KIRREL3: variants seen among roughly 807,000 people sequenced by gnomAD.
The protein encoded by KIRREL3 is kirre like nephrin family adhesion molecule 3.
Under a neutral mutation model 89.7 loss-of-function variants are expected in KIRREL3, and 36 were observed. That is an observed-to-expected ratio of 0.40 (90% CI 0.31 to 0.53). The LOEUF (loss-of-function observed/expected upper bound fraction) is 0.53, where lower values mean the gene tolerates loss of function less well. Ranked by LOEUF, KIRREL3 falls within the 20% of genes least tolerant of loss-of-function variation. The pLI, the probability that KIRREL3 is intolerant of heterozygous loss-of-function variation, is 0.49. For synonymous variants in KIRREL3, 445 were observed against 441.4 expected (o/e 1.01, Z -0.10); for missense variants, 864 against 1,056.6 (o/e 0.82, Z 2.53).
intron 6 of KIRREL3, among the ~76,000 whole-genome samples, chr11:126,461,275 C>G (rs559195542): frequency 1.3e-5 from 2 of 152,384 alleles, no homozygotes; most frequent in East Asian, 3.9e-4. Flanking sequence ...GCTCACCACA[C>G]AGGAGGAGGC....
chr11:126,593,717 C>T (rs887758565), intron 1 of KIRREL3, among the ~76,000 whole-genome samples: 2 of 152,144 alleles, frequency 1.3e-5, no homozygotes, highest in African/African-American at 2.4e-5. Flanking sequence ...TCTGAGTGAA[C>T]GTGCATATAA....
rs1303221062 is a variant in KIRREL3 at position 126,689,340 on chromosome 11, AGG to A, written c.56-126430_56-126429del. 1.3e-5 allele frequency among the ~76,000 whole-genome samples: 2 copies of A among 152,332 alleles called. No individual in the cohort carries two copies. Among genetic ancestry groups the A allele is most frequent in the African/African-American group, 4.8e-5 (2 of 41,578 alleles). On this transcript the variant is annotated intron_variant, in intron 1 of 16. Coordinates refer to ENST00000525144, the MANE Select transcript of KIRREL3 (RefSeq NM_032531.4). The surrounding 1 kb of genome is among the most constrained non-coding windows in gnomAD (Gnocchi z 5.2). ...GACACCTTGGAAGATGAGGCTGACC[AGG>A]CCATGGAGCTGCCCAGACCCCCTGG...
At position 126,568,193 on chromosome 11, in the gene KIRREL3, T is replaced by C. The variant is rs529476994; in HGVS notation, c.56-5281A>G. 6.6e-6 allele frequency among the ~76,000 whole-genome samples: 1 copy of C among 152,166 alleles called. No homozygotes were observed. Among genetic ancestry groups the C allele is most frequent in the South Asian group, 2.1e-4 (1 of 4,814 alleles). On this transcript the variant is annotated intron_variant, in intron 1 of 16. Coordinates refer to ENST00000525144, the MANE Select transcript of KIRREL3 (RefSeq NM_032531.4). This position sits in a 1 kb window ranked among gnomAD's most constrained non-coding sequence, Gnocchi z 4.6. ...GAGCCTCACCCAGGAGTCTGGGCTCTCTCTTAAAGGAGGTGGGAGCCACGC... is the reference window on the plus strand; with the variant it reads ...GAGCCTCACCCAGGAGTCTGGGCTCCCTCTTAAAGGAGGTGGGAGCCACGC...
rs1942919438 is a variant in KIRREL3 at position 126,607,043 on chromosome 11, C to A, written c.56-44131G>T. Among the ~76,000 whole-genome samples, 1 of 152,168 alleles carries A rather than the reference C, an allele frequency of 6.6e-6. No individual in the cohort carries two copies. Among genetic ancestry groups the A allele is most frequent in the South Asian group, 2.1e-4 (1 of 4,824 alleles). On this transcript the variant is annotated intron_variant, in intron 1 of 16. Transcript: ENST00000525144. This position sits in a 1 kb window ranked among gnomAD's most constrained non-coding sequence, Gnocchi z 6.6. ...ATGCCACATGTTTATCCTTATTAAG[C>A]AGTTGTTCTCTTCCAAGGGGCTCTC...
intron 7 of KIRREL3, among the ~76,000 whole-genome samples, chr11:126,451,486 G>T (rs965946159): frequency 6.7e-6 from 1 of 149,744 alleles, no homozygotes; most frequent in African/African-American, 2.5e-5. Flanking sequence ...GTGTGTGTGC[G>T]CATGTGTGTG....
rs1467561205 is a variant in KIRREL3, at chr11:126,969,981, G to T, written c.55+30474C>A. Among the ~76,000 whole-genome samples, 1 of 152,148 alleles carries T rather than the reference G, an allele frequency of 6.6e-6. No homozygotes were observed. Among genetic ancestry groups the T allele is most frequent in the Non-Finnish European group, 1.5e-5 (1 of 68,032 alleles). ...GAAGTTTTGTGTTAATGTGACTAGT[G>T]TATGACTCTATCTGAGTTAAGACAA... On this transcript the variant is annotated intron_variant, in intron 1 of 16. Transcript: ENST00000525144. This position sits in a 1 kb window ranked among gnomAD's most constrained non-coding sequence, Gnocchi z 4.9.
chr11:126,745,051 A>C (rs1382475119), intron 1 of KIRREL3, among the ~76,000 whole-genome samples: 2 of 152,162 alleles, frequency 1.3e-5, no homozygotes, highest in Admixed American at 1.3e-4. Context: ...GACCCTGGTC[A>C]CCACTGGGCA....
chr11:126,669,368 G>A lies in KIRREL3; in HGVS notation c.56-106456C>T, dbSNP rs190742483. 6.6e-6 allele frequency among the ~76,000 whole-genome samples: 1 copy of A among 152,308 alleles called. No individual in the cohort carries two copies. Among genetic ancestry groups the A allele is most frequent in the Admixed American group, 6.5e-5 (1 of 15,300 alleles). The stretch of plus-strand genomic sequence containing the variant: ...CTTACCTCTCCTTTAGTTCTCAGGT[G>A]TTGGATCATGTCCTCTAGAAAACTT... On this transcript the variant is annotated intron_variant, in intron 1 of 16. Transcript: ENST00000525144. This position sits in a 1 kb window ranked among gnomAD's most constrained non-coding sequence, Gnocchi z 5.0.
rs1949612779 is a variant in KIRREL3, at chr11:126,977,528, T to C, written c.55+22927A>G. ...ATCCACTTTCTTTCGAGATTCCCAT[T>C]ATATTAATTCAATCATTCCTGTATT... is the stretch of plus-strand genomic sequence containing the variant. On this transcript the variant is annotated intron_variant, in intron 1 of 16. Coordinates refer to ENST00000525144, the MANE Select transcript of KIRREL3 (RefSeq NM_032531.4). The surrounding 1 kb of genome is among the most constrained non-coding windows in gnomAD (Gnocchi z 4.7). Among the ~76,000 whole-genome samples the C allele has an allele frequency of 6.6e-6, 1 of 152,262 alleles. No individual in the cohort carries two copies. The highest frequency in any genetic ancestry group is 1.5e-5 in the Non-Finnish European group (1 of 68,050).
At chr11:126,813,489 A>G (rs1951458217) in intron 1 of KIRREL3, among the ~76,000 whole-genome samples, 1 of 152,172 alleles carries the variant, frequency 6.6e-6, no homozygotes, top group African/African-American at 2.4e-5. Context: ...GGACCAAAAT[A>G]TTACCTTGAG....
chr11:126,825,843 C>T (rs568051015), intron 1 of KIRREL3, among the ~76,000 whole-genome samples: 4 of 152,288 alleles, frequency 2.6e-5, no homozygotes, highest in African/African-American at 9.6e-5. Flanking sequence ...AAGTAACTTG[C>T]CCAAGGTCAC....
Position 126,931,119 on chromosome 11 carries a change from C to G in KIRREL3, c.55+69336G>C, listed in dbSNP as rs1450051755. Among the ~76,000 whole-genome samples the G allele has an allele frequency of 1.3e-5, 2 of 152,238 alleles. No individual in the cohort carries two copies. Among genetic ancestry groups the G allele is most frequent in the Admixed American group, 6.5e-5 (1 of 15,286 alleles). The stretch of plus-strand genomic sequence containing the variant: ...TTCCCACAGGCCTCTATGCTCATCT[C>G]AGCATGGAACTTATGTGCACTACCT... On this transcript the variant is annotated intron_variant, in intron 1 of 16. Coordinates refer to ENST00000525144, the MANE Select transcript of KIRREL3 (RefSeq NM_032531.4). The surrounding 1 kb of genome is among the most constrained non-coding windows in gnomAD (Gnocchi z 5.1).
At chr11:126,514,827 C>CACAAT (rs1197331753) in intron 4 of KIRREL3, among the ~76,000 whole-genome samples, 5 of 135,352 alleles carry the variant, frequency 3.7e-5, no homozygotes, top group African/African-American at 1.5e-4. Flanking sequence ...CACAACACAA[C>CACAAT]ACAACACAAC....
chr11:126,612,968 G>C lies in KIRREL3; in HGVS notation c.56-50056C>G, dbSNP rs1394601063. ...ATCTGTGTAAAGTTTTTGTGTGAAC[G>C]TATGTTTTCAGTACTCTTGGGTATA... On this transcript the variant is annotated intron_variant, in intron 1 of 16. Coordinates refer to ENST00000525144, the MANE Select transcript of KIRREL3 (RefSeq NM_032531.4). The surrounding 1 kb of genome is among the most constrained non-coding windows in gnomAD (Gnocchi z 4.5). Among the ~76,000 whole-genome samples, 1 of 152,134 alleles carries C rather than the reference G, an allele frequency of 6.6e-6. No individual in the cohort carries two copies. Among genetic ancestry groups the C allele is most frequent in the African/African-American group, 2.4e-5 (1 of 41,424 alleles).
rs1254643796 is a variant in KIRREL3, at chr11:126,570,431, C to A, written c.56-7519G>T. On this transcript the variant is annotated intron_variant, in intron 1 of 16. Coordinates refer to ENST00000525144, the MANE Select transcript of KIRREL3 (RefSeq NM_032531.4). This position sits in a 1 kb window ranked among gnomAD's most constrained non-coding sequence, Gnocchi z 6.1. ...AATTACGTTTTTGAAATAATGAGTT[C>A]TATAACATTTCATGTCAAGTTATTG... is the stretch of plus-strand genomic sequence containing the variant. Among the ~76,000 whole-genome samples, 1 of 152,160 alleles carries A rather than the reference C, an allele frequency of 6.6e-6. No individual in the cohort carries two copies. The highest frequency in any genetic ancestry group is 2.1e-4 in the South Asian group (1 of 4,830).
chr11:126,860,173 TA>T lies in KIRREL3; in HGVS notation c.55+140281del, dbSNP rs1353757667. Among the ~76,000 whole-genome samples the T allele has an allele frequency of 6.6e-6, 1 of 152,174 alleles. No homozygotes were observed. Among genetic ancestry groups the T allele is most frequent in the Non-Finnish European group, 1.5e-5 (1 of 68,028 alleles). ...AATTAATTTCAATACAACAAACAGG[TA>T]ACGAGCATTTGTGATGTGCCCGTTG... On this transcript the variant is annotated intron_variant, in intron 1 of 16. Coordinates refer to ENST00000525144, the MANE Select transcript of KIRREL3 (RefSeq NM_032531.4). The surrounding 1 kb of genome is among the most constrained non-coding windows in gnomAD (Gnocchi z 4.6).
chr11:126,468,494 A>T (rs998059596), intron 5 of KIRREL3, among the ~76,000 whole-genome samples: 12 of 152,050 alleles, frequency 7.9e-5, no homozygotes, highest in African/African-American at 2.9e-4. Flanking sequence ...TGGGGGAGGG[A>T]CTGGGTGCTT....
rs5795499 is a variant in KIRREL3, at chr11:126,493,654, C to CAAAAAA, written c.434-20194_434-20189dup. Among the ~76,000 whole-genome samples the CAAAAAA allele has an allele frequency of 1.2e-3, 95 of 82,164 alleles. 3 individuals are homozygous for CAAAAAA. The highest frequency in any genetic ancestry group is 1.6e-3 in the Non-Finnish European group (74 of 45,986). The allele number at this position is 82,164 out of a possible 152,430, so 53.9% of individuals were successfully genotyped here. A position where few individuals can be genotyped will look rare whatever the true frequency, so the allele number is the denominator to read the frequency against. On this transcript the variant is annotated intron_variant, in intron 4 of 16. Coordinates refer to ENST00000525144, the MANE Select transcript of KIRREL3 (RefSeq NM_032531.4). ...TGGGCGACAGAGCAAGACTCTGTCTCAAAAAAAAAAAAAAAAAAAAAGAGA... is the reference window on the plus strand; with the variant it reads ...TGGGCGACAGAGCAAGACTCTGTCTCAAAAAAAAAAAAAAAAAAAAAAAAAAAGAGA...
intron 1 of KIRREL3, among the ~76,000 whole-genome samples, chr11:126,600,894 T>C (rs1942624067): frequency 6.6e-6 from 1 of 152,198 alleles, no homozygotes; most frequent in Non-Finnish European, 1.5e-5. Context: ...CCTCTCCCAG[T>C]CACCCATCAG....
Sources: gnomAD v4.1 joint callset for allele counts (sites outside exome capture counted in the v4.1 genomes callset) on GRCh38, gnomAD v4.1.1 for gene constraint, Gnocchi (gnomAD v3.1) non-coding constraint, MANE v1.5 for transcripts, NCBI Gene and HGNC (gene_info 2026-07-23, HGNC 2026-07-21) for gene names.